The following OTUD7A variants were observed in gnomAD, a reference collection of about 807,000 sequenced individuals.
OTUD7A encodes OTU domain-containing protein 7A.
A neutral mutation model predicts 65.7 loss-of-function variants in OTUD7A; 12 were observed. The ratio of observed to expected loss-of-function variants is 0.18; its 90% CI spans 0.12 to 0.30. The LOEUF (loss-of-function observed/expected upper bound fraction) is 0.30, where lower values mean the gene tolerates loss of function less well. OTUD7A is among the 10% of genes least tolerant of loss of function. OTUD7A has a pLI of 1.00. For synonymous variants in OTUD7A, 641 were observed against 586.3 expected (o/e 1.09, Z -1.35); for missense variants, 1,148 against 1,304.8 (o/e 0.88, Z 1.85).
chr15:31,850,465 T>C (rs1250220306), intron 1 of OTUD7A, among the ~76,000 whole-genome samples: 5 of 152,008 alleles, frequency 3.3e-5, no homozygotes, highest in African/African-American at 1.2e-4. Flanking sequence ...ATGTAAATGA[T>C]GAGTTAATGG....
intron 1 of OTUD7A, among the ~76,000 whole-genome samples, chr15:31,754,986 G>A (rs1364324918): frequency 6.6e-6 from 1 of 151,856 alleles, no homozygotes; most frequent in Non-Finnish European, 1.5e-5. Context: ...GAAGGAAGAC[G>A]AAGAGAGTGA....
In OTUD7A at chr15:31,808,136, C is replaced by CACACACACACACAAA. The variant is rs772574742; in HGVS notation, c.-100+62370_-100+62371insTTTGTGTGTGTGTGT. 7.5e-5 allele frequency among the ~76,000 whole-genome samples: 9 copies of CACACACACACACAAA among 119,512 alleles called. No individual in the cohort carries two copies. The South Asian group carries it at 1.0e-3, about 13-fold the overall frequency. 78.4% of individuals were successfully genotyped at this position (119,512 alleles called of 152,430 possible). On this transcript the variant is annotated intron_variant, in intron 1 of 12. Coordinates refer to ENST00000307050, the MANE Select transcript of OTUD7A (RefSeq NM_001382637.1). ...ACACACACACACACACACACACACA[C>CACACACACACACAAA]AAACAAATCCTCACCAGGTTTTTCC...
chr15:31,792,692 C>T (rs1595772268), intron 1 of OTUD7A, among the ~76,000 whole-genome samples: 3 of 152,202 alleles, frequency 2.0e-5, no homozygotes, highest in Admixed American at 6.5e-5. Context: ...GTGACCACCA[C>T]CAGATAAAAT....
chr15:31,617,315 C>T (rs377277636), intron 3 of OTUD7A, among the ~76,000 whole-genome samples: 8 of 152,064 alleles, frequency 5.3e-5, no homozygotes, highest in South Asian at 4.2e-4. Context: ...GGTGAAACCC[C>T]GTCTCTACTA....
chr15:31,810,848 G>GT (rs1178728533), intron 1 of OTUD7A, among the ~76,000 whole-genome samples: 2 of 152,128 alleles, frequency 1.3e-5, no homozygotes, highest in African/African-American at 4.8e-5. Flanking sequence ...TAGCTCTGTG[G>GT]TATCAGCCAG....
intron 1 of OTUD7A, among the ~76,000 whole-genome samples, chr15:31,823,935 C>T (rs1279581663): frequency 6.6e-6 from 1 of 152,198 alleles, no homozygotes; most frequent in African/African-American, 2.4e-5. Flanking sequence ...TAACCTGACA[C>T]CCTGAAAGAA....
At chr15:31,740,807 G>A (rs1442271015) in intron 1 of OTUD7A, among the ~76,000 whole-genome samples, 1 of 152,106 alleles carries the variant, frequency 6.6e-6, no homozygotes, top group Non-Finnish European at 1.5e-5. Flanking sequence ...GACATCTAAA[G>A]CATACACAGA....
At chr15:31,681,070 C>G (rs1892702540) in intron 1 of OTUD7A, among the ~76,000 whole-genome samples, 1 of 150,026 alleles carries the variant, frequency 6.7e-6, no homozygotes. Flanking sequence ...TATTCTATCT[C>G]TCCCTTTCTT....
intron 1 of OTUD7A, among the ~76,000 whole-genome samples, chr15:31,808,697 C>T (rs911821286): frequency 6.6e-6 from 1 of 152,232 alleles, no homozygotes; most frequent in Non-Finnish European, 1.5e-5. Context: ...CCTCACCAGG[C>T]TCCATCCACA....
chr15:31,541,901 C>G (rs1187815887), intron 5 of OTUD7A, among the ~76,000 whole-genome samples: 1 of 152,124 alleles, frequency 6.6e-6, no homozygotes, highest in African/African-American at 2.4e-5. Flanking sequence ...GAAAATTTGT[C>G]TCTTTTAGCC....
chr15:31,791,181 C>T (rs1895804755), intron 1 of OTUD7A, among the ~76,000 whole-genome samples: 1 of 152,122 alleles, frequency 6.6e-6, no homozygotes, highest in South Asian at 2.1e-4. Flanking sequence ...TACATGCCAC[C>T]ATTCCCAGCT....
At chr15:31,806,806 G>C (rs767653553) in intron 1 of OTUD7A, among the ~76,000 whole-genome samples, 3 of 152,242 alleles carry the variant, frequency 2.0e-5, no homozygotes, top group Non-Finnish European at 4.4e-5. Flanking sequence ...CAGGAGAACT[G>C]AGTATCTCAC....
chr15:31,771,529 T>C (rs1417388344), intron 1 of OTUD7A, among the ~76,000 whole-genome samples: 1 of 152,154 alleles, frequency 6.6e-6, no homozygotes, highest in East Asian at 1.9e-4. Flanking sequence ...AGTGGGTTCC[T>C]CCAAATACAT....
chr15:31,820,971 C>T (rs1768886477), intron 1 of OTUD7A, among the ~76,000 whole-genome samples: 1 of 151,748 alleles, frequency 6.6e-6, no homozygotes, highest in African/African-American at 2.4e-5. Flanking sequence ...CCGAGGCCCC[C>T]AGCCCTAGGC....
intron 1 of OTUD7A, among the ~76,000 whole-genome samples, chr15:31,733,536 G>A (rs555519516): frequency 7.8e-4 from 118 of 152,240 alleles, no homozygotes; most frequent in African/African-American, 2.8e-3. Flanking sequence ...GCACCCCCTG[G>A]CTGCCCAGAC....
intron 5 of OTUD7A, among the ~76,000 whole-genome samples, chr15:31,549,246 A>G (rs1417782708): frequency 6.6e-6 from 1 of 152,140 alleles, no homozygotes; most frequent in East Asian, 1.9e-4. Flanking sequence ...GTGGCACATC[A>G]GGAAATCAAA....
intron 5 of OTUD7A, among the ~76,000 whole-genome samples, chr15:31,540,253 G>A (rs1887945343): frequency 6.6e-6 from 1 of 152,140 alleles, no homozygotes; most frequent in Admixed American, 6.5e-5. Context: ...TGGCAGACAC[G>A]CTAACCAATC....
chr15:31,618,987 A>G (rs1408166969), intron 3 of OTUD7A, among the ~76,000 whole-genome samples: 2 of 152,188 alleles, frequency 1.3e-5, no homozygotes, highest in African/African-American at 4.8e-5. Context: ...TCAGCTTTCT[A>G]CATATGGCTA....
At chr15:31,492,241 C>A (rs2141070848) in intron 10 of OTUD7A, among the ~76,000 whole-genome samples, 1 of 152,246 alleles carries the variant, frequency 6.6e-6, no homozygotes, top group South Asian at 2.1e-4. Flanking sequence ...GTTGTAATAT[C>A]CTTATACAAC....
Sources: allele counts gnomAD v4.1 joint callset (sites outside exome capture counted in the v4.1 genomes callset), GRCh38; gene constraint gnomAD v4.1.1; transcripts MANE v1.5; gene names NCBI Gene and HGNC (gene_info 2026-07-23, HGNC 2026-07-21).